The following AGBL1 variants were observed in gnomAD, a reference collection of about 807,000 sequenced individuals.
AGBL1 encodes cytosolic carboxypeptidase 4.
A neutral mutation model predicts 118.9 loss-of-function variants in AGBL1; 130 were observed. The observed-to-expected ratio is 1.09, with a 90% confidence interval of 0.95 to 1.26. The LOEUF is 1.26. Among genes scored for constraint, AGBL1 ranks in the 50% most tolerant of loss-of-function variants. The pLI, the probability that AGBL1 is intolerant of heterozygous loss-of-function variation, is 0.00. For missense variants in AGBL1, 1,584 were observed against 1,298.1 expected (o/e 1.22, Z -3.38); for synonymous variants, 555 against 478.9 (o/e 1.16, Z -2.08).
chr15:86,237,470 G>A (rs577385956), intron 6 of AGBL1, among the ~76,000 whole-genome samples: 3 of 152,270 alleles, frequency 2.0e-5, no homozygotes, highest in African/African-American at 7.2e-5. Flanking sequence ...AAAGGAAGGT[G>A]AGGGAAGGTC....
intron 22 of AGBL1, among the ~76,000 whole-genome samples, chr15:86,723,687 G>A (rs2086772115): frequency 6.6e-6 from 1 of 151,980 alleles, no homozygotes; most frequent in South Asian, 2.1e-4. Flanking sequence ...CAAATTGATG[G>A]ATTTGACTAA....
chr15:86,764,488 T>C (rs1393384315), intron 22 of AGBL1, among the ~76,000 whole-genome samples: 1 of 152,024 alleles, frequency 6.6e-6, no homozygotes, highest in East Asian at 1.9e-4. Context: ...TTTAAAAGGA[T>C]CTGAGACAAA....
chr15:86,431,855 A>G (rs559354160), intron 18 of AGBL1, among the ~76,000 whole-genome samples: 297 of 152,282 alleles, frequency 2.0e-3, no homozygotes, highest in Non-Finnish European at 3.5e-3. Context: ...TTGCTGTGAC[A>G]TGGGAAAGTC....
rs2084708414 is a variant in AGBL1 at position 86,615,497 on chromosome 15, G to A, written c.2995-58776G>A. Among the ~76,000 whole-genome samples, 4 of 152,318 alleles carry A rather than the reference G, an allele frequency of 2.6e-5. No individual in the cohort carries two copies. The South Asian group carries it at 8.3e-4, about 32-fold the overall frequency. On this transcript the variant is annotated intron_variant, in intron 21 of 22. Transcript: ENST00000614907. This position sits in a 1 kb window ranked among gnomAD's most constrained non-coding sequence, Gnocchi z 4.3. ...GGCAACACAAATTGCAGGAACAGAT[G>A]TAGAGGAAATGAAAAATATTCCTTG...
chr15:86,527,673 C>T (rs1489653243), intron 19 of AGBL1, among the ~76,000 whole-genome samples: 42 of 152,116 alleles, frequency 2.8e-4, no homozygotes, highest in Non-Finnish European at 1.5e-5. Context: ...TTCTGAAGCA[C>T]TGGGAAGCCA....
chr15:86,681,233 C>G (rs1398800102), intron 22 of AGBL1, among the ~76,000 whole-genome samples: 1 of 152,156 alleles, frequency 6.6e-6, no homozygotes, highest in Admixed American at 6.6e-5. Flanking sequence ...ATTCAATTTT[C>G]TGCAGCATGG....
chr15:86,987,105 A>T (rs1242765305), intron 23 of AGBL1, among the ~76,000 whole-genome samples: 1 of 152,034 alleles, frequency 6.6e-6, no homozygotes, highest in African/African-American at 2.4e-5. Flanking sequence ...GGCCATTTTC[A>T]CTTCTTTTGT....
intron 5 of AGBL1, among the ~76,000 whole-genome samples, chr15:86,163,152 C>T (rs779059197): frequency 2.6e-5 from 4 of 152,190 alleles, no homozygotes; most frequent in Non-Finnish European, 5.9e-5. Context: ...TAAATTCAAA[C>T]GAGGCTGAGC....
chr15:86,708,087 A>G (rs1427084582), intron 22 of AGBL1, among the ~76,000 whole-genome samples: 1 of 151,884 alleles, frequency 6.6e-6, no homozygotes, highest in Non-Finnish European at 1.5e-5. Flanking sequence ...TTTTCATCCT[A>G]TTTCTTTCAG....
chr15:86,306,926 G>C (rs1210927938), intron 17 of AGBL1, among the ~76,000 whole-genome samples: 1 of 152,138 alleles, frequency 6.6e-6, no homozygotes, highest in East Asian at 1.9e-4. Context: ...CTGATGTTGA[G>C]CACCTTTTCA....
At position 86,908,200 on chromosome 15, in the gene AGBL1, G is replaced by T. The variant is rs989266543; in HGVS notation, c.*906G>T. 3 of 152,138 alleles carry T rather than the reference G, an allele frequency of 2.0e-5. No individual in the cohort carries two copies. The highest frequency in any genetic ancestry group is 7.2e-5 in the African/African-American group (3 of 41,412). 9.4% of individuals were successfully genotyped at this position (152,138 alleles called of 1,614,324 possible). On this transcript the variant is annotated 3_prime_UTR_variant, in exon 23 of 23. Transcript: ENST00000614907. ...GGATGAAATGAGATGATATATAAAA[G>T]TGTATAGCTTAGCATTTGGTACACA...
intron 18 of AGBL1, among the ~76,000 whole-genome samples, chr15:86,443,169 T>A (rs2082084575): frequency 6.6e-6 from 1 of 152,158 alleles, no homozygotes; most frequent in Non-Finnish European, 1.5e-5. Flanking sequence ...CTGTGGCCCT[T>A]CTGCAATGAC....
intron 17 of AGBL1, among the ~76,000 whole-genome samples, chr15:86,302,549 G>T (rs1283917954): frequency 6.6e-6 from 1 of 152,010 alleles, no homozygotes; most frequent in African/African-American, 2.4e-5. Flanking sequence ...GGCCGAGGTG[G>T]GTGGATCATT....
At chr15:86,516,412 T>C (rs561685757) in intron 18 of AGBL1, among the ~76,000 whole-genome samples, 2 of 152,350 alleles carry the variant, frequency 1.3e-5, no homozygotes, top group East Asian at 1.9e-4. Context: ...GACGTAACTT[T>C]AGAAACTTCC....
chr15:86,595,560 A>G (rs1596298645), intron 21 of AGBL1, among the ~76,000 whole-genome samples: 1 of 152,058 alleles, frequency 6.6e-6, no homozygotes, highest in Non-Finnish European at 1.5e-5. Flanking sequence ...TATATTATCA[A>G]CTATTATCTC....
chr15:86,941,264 C>A (rs778636912), intron 23 of AGBL1, among the ~76,000 whole-genome samples: 5 of 152,160 alleles, frequency 3.3e-5, no homozygotes, highest in Non-Finnish European at 7.3e-5. Flanking sequence ...TTCACACTTC[C>A]CCAGGAGGAA....
At chr15:86,333,001 C>T (rs988149770) in intron 17 of AGBL1, among the ~76,000 whole-genome samples, 3 of 151,906 alleles carry the variant, frequency 2.0e-5, no homozygotes, top group South Asian at 2.1e-4. Context: ...AAATGAACAC[C>T]GATACCACAT....
intron 15 of AGBL1, among the ~76,000 whole-genome samples, chr15:86,273,680 C>A (rs919178665): frequency 3.9e-5 from 6 of 152,150 alleles, no homozygotes; most frequent in African/African-American, 9.7e-5. Flanking sequence ...TTTGGGAGAA[C>A]TTTACTTCCC....
intron 22 of AGBL1, among the ~76,000 whole-genome samples, chr15:86,689,649 C>T (rs1305768164): frequency 6.6e-6 from 1 of 151,970 alleles, no homozygotes; most frequent in Non-Finnish European, 1.5e-5. Flanking sequence ...GATTTACACC[C>T]ATGGCATTAC....
Sources: gnomAD v4.1 joint callset for allele counts (sites outside exome capture counted in the v4.1 genomes callset) on GRCh38, gnomAD v4.1.1 for gene constraint, Gnocchi (gnomAD v3.1) non-coding constraint, MANE v1.5 for transcripts, NCBI Gene and HGNC (gene_info 2026-07-23, HGNC 2026-07-21) for gene names.